The following HRH1 variants were observed in gnomAD, a reference collection of about 807,000 sequenced individuals.
HRH1 encodes histamine receptor H1.
HRH1 carries 6 observed loss-of-function variants against 10.3 expected under a neutral mutation model. That is an observed-to-expected ratio of 0.58 (90% CI 0.32 to 1.15). The LOEUF (loss-of-function observed/expected upper bound fraction) is 1.15, where lower values mean the gene tolerates loss of function less well. Ranked by LOEUF, HRH1 falls within the 50% of genes most tolerant of loss-of-function variation. The pLI is 0.05. For missense variants in HRH1, 514 were observed against 615.3 expected (o/e 0.84, Z 1.74); for synonymous variants, 242 against 236.7 (o/e 1.02, Z -0.21).
intron 1 of HRH1, among the ~76,000 whole-genome samples, chr3:11,207,702 A>C (rs1938187784): frequency 6.6e-6 from 1 of 152,150 alleles, no homozygotes; most frequent in Non-Finnish European, 1.5e-5. Flanking sequence ...TCATTCAAAA[A>C]GCTTCCCTCC....
chr3:11,246,765 TG>T (rs1939501292), intron 1 of HRH1, among the ~76,000 whole-genome samples: 1 of 152,170 alleles, frequency 6.6e-6, no homozygotes, highest in Non-Finnish European at 1.5e-5. Flanking sequence ...AAATCATGGC[TG>T]GGCACGGTGA....
At chr3:11,241,767 T>C (rs1292887157) in intron 1 of HRH1, among the ~76,000 whole-genome samples, 1 of 148,620 alleles carries the variant, frequency 6.7e-6, no homozygotes, top group Non-Finnish European at 1.5e-5. Context: ...ACCTGGGAGG[T>C]GGAGCTTGCA....
upstream of HRH1, among the ~76,000 whole-genome samples, chr3:11,153,117 A>G (rs935328445): frequency 3.3e-5 from 5 of 152,152 alleles, no homozygotes; most frequent in Admixed American, 1.3e-4. Flanking sequence ...AGCACCTTGG[A>G]CCTTGGGGCC....
intron 1 of HRH1, among the ~76,000 whole-genome samples, chr3:11,244,357 T>C (rs1338909699): frequency 6.6e-6 from 1 of 152,250 alleles, no homozygotes; most frequent in East Asian, 1.9e-4. Flanking sequence ...AAATGTAGTT[T>C]CTATTCCAGG....
chr3:11,150,110 A>G (rs564970342), upstream of HRH1, among the ~76,000 whole-genome samples: 2 of 152,246 alleles, frequency 1.3e-5, no homozygotes, highest in Non-Finnish European at 2.9e-5. Context: ...GAAATCAAAC[A>G]CAAATCCTTT....
intron 1 of HRH1, among the ~76,000 whole-genome samples, chr3:11,192,865 C>G (rs1937574424): frequency 6.6e-6 from 1 of 152,120 alleles, no homozygotes; most frequent in Non-Finnish European, 1.5e-5. Context: ...TCCATCAGAG[C>G]TGGGCCTTGC....
intron 1 of HRH1, among the ~76,000 whole-genome samples, chr3:11,258,138 T>C (rs1939831706): frequency 6.6e-6 from 1 of 151,990 alleles, no homozygotes; most frequent in Non-Finnish European, 1.5e-5. Flanking sequence ...GCTAGATTTA[T>C]TTCATGCTTT....
Position 11,259,989 on chromosome 3 carries a change from A to G in HRH1, c.952A>G (p.Ser318Gly), listed in dbSNP as rs1401568190. ...VHMQAAAEGS[S>G]RDYVAVNRSH... ...CATGCAGGCTGCGGCAGAGGGGAGT[A>G]GCAGGGACTATGTAGCCGTCAACCG... is the stretch of plus-strand genomic sequence containing the variant. Residue 318 changes from serine to glycine, a missense_variant, in exon 2 of 2, where the codon AGC becomes GGC. Physicochemically the swap from Ser to Gly is moderately conservative, Grantham distance 56. Coordinates refer to ENST00000431010, the MANE Select transcript of HRH1 (RefSeq NM_001098212.2). The surrounding 1 kb of genome is among the most constrained non-coding windows in gnomAD (Gnocchi z 4.6). 1 of 1,614,086 alleles carries G rather than the reference A, an allele frequency of 6.2e-7. No individual in the cohort carries two copies. Among genetic ancestry groups the G allele is most frequent in the East Asian group, 2.2e-5 (1 of 44,892 alleles).
intron 1 of HRH1, among the ~76,000 whole-genome samples, chr3:11,224,523 C>T (rs945744404): frequency 6.6e-5 from 10 of 152,086 alleles, no homozygotes; most frequent in East Asian, 1.9e-4. Flanking sequence ...CGGTGAAACC[C>T]GGTCTCTACT....
intron 1 of HRH1, among the ~76,000 whole-genome samples, chr3:11,214,373 G>A (rs1461537913): frequency 2.6e-5 from 4 of 152,200 alleles, no homozygotes; most frequent in South Asian, 4.1e-4. Flanking sequence ...GAAGTTATTA[G>A]TTGTTTATGA....
At chr3:11,186,320 T>C (rs1456066970) in intron 1 of HRH1, among the ~76,000 whole-genome samples, 8 of 152,192 alleles carry the variant, frequency 5.3e-5, no homozygotes, top group Admixed American at 5.2e-4. Flanking sequence ...CATTATCTGC[T>C]TCAGAACAGG....
chr3:11,147,066 G>A (rs1193095258), intron 1 of HRH1, among the ~76,000 whole-genome samples: 1 of 152,210 alleles, frequency 6.6e-6, no homozygotes, highest in East Asian at 1.9e-4. Flanking sequence ...TCTTAGCAGA[G>A]ACTGAGTTCA....
chr3:11,194,458 A>T (rs956971811), intron 1 of HRH1, among the ~76,000 whole-genome samples: 1 of 152,218 alleles, frequency 6.6e-6, no homozygotes, highest in East Asian at 1.9e-4. Context: ...CCCACGCTTC[A>T]TCTCAATGTT....
At chr3:11,184,781 G>C (rs1402053642) in intron 1 of HRH1, among the ~76,000 whole-genome samples, 1 of 152,000 alleles carries the variant, frequency 6.6e-6, no homozygotes, top group Non-Finnish European at 1.5e-5. Flanking sequence ...GCTGGGTGTG[G>C]TGGTGGGCAC....
At chr3:11,188,758 A>G (rs347628) in intron 1 of HRH1, among the ~76,000 whole-genome samples, 105,097 of 152,108 alleles carry the variant, frequency 0.69, 37,019 homozygotes, top group East Asian at 0.81. Flanking sequence ...ATGATGACAC[A>G]GAAAAAAGCT....
intron 1 of HRH1, among the ~76,000 whole-genome samples, chr3:11,201,871 G>A (rs1937923935): frequency 6.6e-6 from 1 of 152,182 alleles, no homozygotes; most frequent in African/African-American, 2.4e-5. Flanking sequence ...GAAGTTAAAG[G>A]AAATCATTTG....
chr3:11,190,730 G>A (rs1937519488), intron 1 of HRH1, among the ~76,000 whole-genome samples: 1 of 152,018 alleles, frequency 6.6e-6, no homozygotes, highest in Non-Finnish European at 1.5e-5. Context: ...TGTGGCCTAT[G>A]GTCCCAGCTA....
chr3:11,256,675 T>C (rs1939791126), intron 1 of HRH1, among the ~76,000 whole-genome samples: 1 of 152,000 alleles, frequency 6.6e-6, no homozygotes, highest in South Asian at 2.1e-4. Flanking sequence ...GGTGGGCGCA[T>C]GTAATCCCAG....
At chr3:11,193,651 T>G (rs546770151) in intron 1 of HRH1, among the ~76,000 whole-genome samples, 1 of 152,064 alleles carries the variant, frequency 6.6e-6, no homozygotes, top group Admixed American at 6.5e-5. Context: ...CAACAGAAAT[T>G]TATTTCTCAC....
Sources: allele counts gnomAD v4.1 joint callset (sites outside exome capture counted in the v4.1 genomes callset), GRCh38; gene constraint gnomAD v4.1.1; non-coding constraint Gnocchi (gnomAD v3.1); transcripts MANE v1.5; gene names NCBI Gene and HGNC (gene_info 2026-07-23, HGNC 2026-07-21).